NRXN1: variants seen among roughly 807,000 people sequenced by gnomAD.
NRXN1 encodes the protein neurexin 1, also known as neurexin-1.
A neutral mutation model predicts 150.9 loss-of-function variants in NRXN1; 39 were observed. That is an observed-to-expected ratio of 0.26 (90% CI 0.20 to 0.34). The LOEUF (loss-of-function observed/expected upper bound fraction) is 0.34. Among genes scored for constraint, NRXN1 ranks in the 10% least tolerant of loss-of-function variants. The pLI, the probability that NRXN1 is intolerant of heterozygous loss-of-function variation, is 1.00. For missense variants in NRXN1, 1,815 were observed against 1,949.9 expected, an observed-to-expected ratio of 0.93 and a Z score of 1.30; for synonymous variants, 924 against 757.0, an observed-to-expected ratio of 1.22 and a Z score of -3.62.
At chr2:50,472,018 TCAAAAA>T (rs923630012) in intron 16 of NRXN1, among the ~76,000 whole-genome samples, 43 of 148,636 alleles carry the variant, frequency 2.9e-4, no homozygotes, top group Non-Finnish European at 3.9e-4. Flanking sequence ...ACTACATAGC[TCAAAAA>T]CAAAAACAAA....
At chr2:49,977,384 A>G (rs920712948) in intron 21 of NRXN1, among the ~76,000 whole-genome samples, 2 of 152,204 alleles carry the variant, frequency 1.3e-5, no homozygotes, top group African/African-American at 2.4e-5. Flanking sequence ...GCTGCTAATC[A>G]TTCTATAATG....
At chr2:50,996,693 A>G (rs2105043302) in intron 2 of NRXN1, among the ~76,000 whole-genome samples, 1 of 152,130 alleles carries the variant, frequency 6.6e-6, no homozygotes, top group East Asian at 2.0e-4. Context: ...TAAATGGGGG[A>G]GATAAGTAGG....
At chr2:51,024,783 T>G (rs1371661654) in intron 2 of NRXN1, among the ~76,000 whole-genome samples, 3 of 152,176 alleles carry the variant, frequency 2.0e-5, no homozygotes, top group African/African-American at 7.2e-5. Context: ...TATTATAGTT[T>G]GGACCAGAGA....
At chr2:50,717,532 C>T (rs1696025554) in intron 5 of NRXN1, among the ~76,000 whole-genome samples, 1 of 152,114 alleles carries the variant, frequency 6.6e-6, no homozygotes, top group African/African-American at 2.4e-5. Flanking sequence ...ACTATGAAGG[C>T]TATTTTTAAA....
At chr2:49,957,401 TA>T (rs1406044437) in intron 21 of NRXN1, among the ~76,000 whole-genome samples, 1 of 152,154 alleles carries the variant, frequency 6.6e-6, no homozygotes, top group East Asian at 1.9e-4. Flanking sequence ...ATGGCTCTTG[TA>T]GACATTTTCA....
At chr2:50,935,408 G>A (rs1239486448) in intron 2 of NRXN1, among the ~76,000 whole-genome samples, 1 of 152,028 alleles carries the variant, frequency 6.6e-6, no homozygotes, top group Non-Finnish European at 1.5e-5. Flanking sequence ...CAATGAGAAG[G>A]CAAATAAAAA....
At chr2:50,600,199 C>T (rs1676012149) in intron 8 of NRXN1, among the ~76,000 whole-genome samples, 1 of 151,360 alleles carries the variant, frequency 6.6e-6, no homozygotes, top group Non-Finnish European at 1.5e-5. Context: ...AATTAGAGTT[C>T]TATGACAATT....
At chr2:50,876,019 C>A (rs896037000) in intron 5 of NRXN1, among the ~76,000 whole-genome samples, 1 of 151,824 alleles carries the variant, frequency 6.6e-6, no homozygotes, top group Admixed American at 6.6e-5. Context: ...ATAAGCCTCA[C>A]TCCTGACAGG....
At chr2:50,259,293 T>G (rs1446329338) in intron 17 of NRXN1, among the ~76,000 whole-genome samples, 2 of 152,038 alleles carry the variant, frequency 1.3e-5, no homozygotes, top group East Asian at 3.9e-4. Flanking sequence ...TTTTATAACT[T>G]GCTGCAGCTT....
chr2:50,703,640 T>C (rs1559145443), intron 5 of NRXN1, among the ~76,000 whole-genome samples: 2 of 152,148 alleles, frequency 1.3e-5, no homozygotes, highest in Non-Finnish European at 2.9e-5. Flanking sequence ...AGACCCAACA[T>C]AAAAGACTAC....
intron 17 of NRXN1, among the ~76,000 whole-genome samples, chr2:50,413,121 G>A (rs1232207418): frequency 6.6e-6 from 1 of 152,062 alleles, no homozygotes; most frequent in East Asian, 1.9e-4. Flanking sequence ...CACAGAAAAG[G>A]AAACAATCAA....
In NRXN1 at chr2:50,802,503, AAGGAAGGAAGGAAGGAAGGAAGGAAGG is replaced by A. The variant is rs1574525602; in HGVS notation, c.832+119339_832+119365del. On this transcript the variant is annotated intron_variant, in intron 5 of 22. Transcript: ENST00000401669. ...GTGAATCTCTGAGAAAGAGAAATGGAAGGAAGGAAGGAAGGAAGGAAGGAAGGAAGGAAGGAAGGAAGGAAGGAAGGA... is the reference window on the plus strand; with the variant it reads ...GTGAATCTCTGAGAAAGAGAAATGGAAAGGAAGGAAGGAAGGAAGGAAGGA... Among the ~76,000 whole-genome samples the A allele has an allele frequency of 6.4e-4, 50 of 77,968 alleles. 1 individual carries two copies. The highest frequency in any genetic ancestry group is 2.0e-3 in the African/African-American group (47 of 23,596). The allele number at this position is 77,968 out of a possible 152,430, so 51.2% of individuals were successfully genotyped here. A position where few individuals can be genotyped will look rare whatever the true frequency, so the allele number is the denominator to read the frequency against.
intron 18 of NRXN1, among the ~76,000 whole-genome samples, chr2:50,197,925 C>T (rs1309970139): frequency 2.0e-5 from 3 of 152,170 alleles, no homozygotes; most frequent in African/African-American, 4.8e-5. Context: ...ATTTGCCACT[C>T]TTTTCCTTCA....
In NRXN1 at chr2:50,828,449, G is replaced by A. The variant is rs1431211972; in HGVS notation, c.832+93420C>T. On this transcript the variant is annotated intron_variant, in intron 5 of 22. Coordinates refer to ENST00000401669, the MANE Select transcript of NRXN1 (RefSeq NM_001330078.2). ...TTCTCAGACGGGGCGGCTGCCGGGC[G>A]GAGGGGCTCCTCACTTCTCAGACGG... Among the ~76,000 whole-genome samples, 19 of 150,420 alleles carry A rather than the reference G, an allele frequency of 1.3e-4. No homozygotes were observed. The East Asian group carries it at 2.6e-3, about 21-fold the overall frequency.
intron 8 of NRXN1, among the ~76,000 whole-genome samples, chr2:50,606,195 G>A (rs544763329): frequency 3.4e-4 from 50 of 145,018 alleles, no homozygotes; most frequent in African/African-American, 1.3e-3. Flanking sequence ...GGTGCAGTGA[G>A]CTAAGATTAC....
At chr2:50,450,205 T>C (rs2086830516) in intron 17 of NRXN1, among the ~76,000 whole-genome samples, 1 of 152,130 alleles carries the variant, frequency 6.6e-6, no homozygotes, top group Admixed American at 6.6e-5. Flanking sequence ...GCTTCTGTCT[T>C]CCCAATTAAG....
At position 50,340,155 on chromosome 2, in the gene NRXN1, T is replaced by A. The variant is rs188940524; in HGVS notation, c.3365-103185A>T. Among the ~76,000 whole-genome samples, 8 of 152,300 alleles carry A rather than the reference T, an allele frequency of 5.3e-5. No individual in the cohort carries two copies. In the East Asian group the frequency reaches 1.5e-3, roughly 29 times the overall value. On this transcript the variant is annotated intron_variant, in intron 17 of 22. Coordinates refer to ENST00000401669, the MANE Select transcript of NRXN1 (RefSeq NM_001330078.2). The stretch of plus-strand genomic sequence containing the variant: ...ATCATAAGCCCTGCCGTGGTTGTGA[T>A]GATGATTAAATGAGACACTTTATAT...
At chr2:50,007,173 T>A (rs1409598570) in intron 21 of NRXN1, among the ~76,000 whole-genome samples, 1 of 148,580 alleles carries the variant, frequency 6.7e-6, no homozygotes, top group Non-Finnish European at 1.5e-5. Context: ...CGAGACCTTG[T>A]CTCTACAGAA....
intron 17 of NRXN1, among the ~76,000 whole-genome samples, chr2:50,374,139 GA>G (rs965339644): frequency 1.3e-5 from 2 of 149,002 alleles, no homozygotes; most frequent in South Asian, 4.2e-4. Flanking sequence ...TCAAAAAGAA[GA>G]AAAAAAAATA....
Sources: allele counts gnomAD v4.1 joint callset (sites outside exome capture counted in the v4.1 genomes callset), GRCh38; gene constraint gnomAD v4.1.1; transcripts MANE v1.5; gene names NCBI Gene and HGNC (gene_info 2026-07-23, HGNC 2026-07-21).